PEAK1: variants seen among roughly 807,000 people sequenced by gnomAD.
PEAK1 encodes pseudopodium enriched atypical kinase 1.
Under a neutral mutation model 124.7 loss-of-function variants are expected in PEAK1, and 54 were observed. That is an observed-to-expected ratio of 0.43 (90% CI 0.35 to 0.54). The LOEUF is 0.54. PEAK1 is among the 20% of genes least tolerant of loss of function. The probability of loss-of-function intolerance (pLI) is 0.01; values close to 1 mark genes in which losing one functional copy is unlikely to be tolerated. For synonymous variants in PEAK1, 719 were observed against 760.0 expected (o/e 0.95, Z 0.89); for missense variants, 2,046 against 2,134.5 (o/e 0.96, Z 0.82).
At chr15:77,336,476 G>T (rs1283677812) in intron 2 of PEAK1, 3 of 985,234 alleles carry the variant, frequency 3.0e-6, no homozygotes, top group African/African-American at 1.7e-5. Flanking sequence ...TAATTTGGCC[G>T]TTTGCTAATC....
At chr15:77,120,588 T>C (rs893635721) in intron 9 of PEAK1, among the ~76,000 whole-genome samples, 5 of 152,354 alleles carry the variant, frequency 3.3e-5, no homozygotes, top group Non-Finnish European at 5.9e-5. Context: ...TCCATCTCTA[T>C]TGCTACCTTC....
At chr15:77,265,044 C>G (rs2152945641) in intron 5 of PEAK1, among the ~76,000 whole-genome samples, 1 of 152,284 alleles carries the variant, frequency 6.6e-6, no homozygotes, top group Middle Eastern at 3.4e-3. Context: ...GGAAAACTGT[C>G]TAGCCATATG....
At chr15:77,190,809 G>A (rs1181690068) in intron 6 of PEAK1, among the ~76,000 whole-genome samples, 2 of 152,178 alleles carry the variant, frequency 1.3e-5, no homozygotes, top group African/African-American at 4.8e-5. Flanking sequence ...CAATGGTAAT[G>A]AAAACTGCAA....
At chr15:77,253,147 A>C (rs745869254) in intron 5 of PEAK1, among the ~76,000 whole-genome samples, 3 of 150,146 alleles carry the variant, frequency 2.0e-5, no homozygotes, top group Non-Finnish European at 4.4e-5. Context: ...AAAATAACTG[A>C]GTTATTGTAT....
intron 9 of PEAK1, among the ~76,000 whole-genome samples, chr15:77,117,092 T>C (rs2051455698): frequency 6.6e-6 from 1 of 152,206 alleles, no homozygotes; most frequent in Non-Finnish European, 1.5e-5. Context: ...ATCCAGCACA[T>C]GGCACCATTA....
chr15:77,281,260 C>T (rs769651827), intron 5 of PEAK1, among the ~76,000 whole-genome samples: 2 of 152,098 alleles, frequency 1.3e-5, no homozygotes, highest in Non-Finnish European at 1.5e-5. Context: ...CCAAATGATG[C>T]CTATTGTTAT....
At chr15:77,229,161 A>G (rs2059800621) in intron 6 of PEAK1, among the ~76,000 whole-genome samples, 2 of 152,080 alleles carry the variant, frequency 1.3e-5, no homozygotes, top group Non-Finnish European at 2.9e-5. Context: ...AAAGAAAACA[A>G]TCTCCAGGGC....
intron 1 of PEAK1, among the ~76,000 whole-genome samples, chr15:77,392,165 G>A (rs1200522798): frequency 6.6e-6 from 1 of 152,108 alleles, no homozygotes; most frequent in African/African-American, 2.4e-5. Flanking sequence ...TCACAAAGAA[G>A]GCATGCAGAA....
chr15:77,230,392 G>GT (rs1171572465), intron 6 of PEAK1, among the ~76,000 whole-genome samples: 1 of 151,986 alleles, frequency 6.6e-6, no homozygotes, highest in Non-Finnish European at 1.5e-5. Context: ...TAGAGACAGG[G>GT]TTTCACCATG....
At chr15:77,124,978 T>C (rs1207137146) in intron 9 of PEAK1, among the ~76,000 whole-genome samples, 3 of 152,244 alleles carry the variant, frequency 2.0e-5, no homozygotes, top group Non-Finnish European at 4.4e-5. Flanking sequence ...CTCTGAACTT[T>C]CATTATAATC....
chr15:77,330,727 T>C (rs1447308726), intron 2 of PEAK1, among the ~76,000 whole-genome samples: 1 of 152,212 alleles, frequency 6.6e-6, no homozygotes, highest in Middle Eastern at 3.2e-3. Context: ...CCCTGACCTA[T>C]GGTATATAAA....
intron 1 of PEAK1, among the ~76,000 whole-genome samples, chr15:77,400,152 A>G (rs1315003476): frequency 6.6e-6 from 1 of 152,156 alleles, no homozygotes; most frequent in East Asian, 1.9e-4. Context: ...AAGACAGGCA[A>G]TAATAACTGC....
chr15:77,207,142 G>C (rs1285746529), intron 6 of PEAK1, among the ~76,000 whole-genome samples: 1 of 152,092 alleles, frequency 6.6e-6, no homozygotes, highest in Non-Finnish European at 1.5e-5. Flanking sequence ...TTAAACGTTA[G>C]ATCTAAAACC....
At chr15:77,368,278 G>C (rs1034658799) in intron 1 of PEAK1, among the ~76,000 whole-genome samples, 3 of 152,092 alleles carry the variant, frequency 2.0e-5, no homozygotes, top group African/African-American at 7.2e-5. Context: ...CAATTTACGA[G>C]GCCAAGGCGG....
chr15:77,102,509 G>C (rs1432106477), exon 7 of PEAK1: 1 of 152,114 alleles, frequency 6.6e-6, no homozygotes, highest in South Asian at 2.1e-4. Context: ...CATTCTTCTA[G>C]TTCTTGAGAT....
rs558606968 is a variant in PEAK1, at chr15:77,213,348, G to A, written c.-114-31308C>T. 2.6e-5 allele frequency among the ~76,000 whole-genome samples: 4 copies of A among 152,236 alleles called. No individual in the cohort carries two copies. In the East Asian group the frequency reaches 7.7e-4, roughly 29 times the overall value. ...GATTTACAGATAAAGAGTTCTGGGA[G>A]TTCAGAGATCATTTCTACATGGCTT... is the stretch of plus-strand genomic sequence containing the variant. On this transcript the variant is annotated intron_variant, in intron 6 of 9. Coordinates refer to ENST00000682557, the MANE Select transcript of PEAK1 (RefSeq NM_001385026.1).
chr15:77,416,394 T>C (rs907652914), intron 1 of PEAK1, among the ~76,000 whole-genome samples: 2 of 152,110 alleles, frequency 1.3e-5, no homozygotes, highest in Non-Finnish European at 2.9e-5. Flanking sequence ...AAATCTCTCA[T>C]AGAGCCACTC....
chr15:77,114,345 T>C lies in PEAK1; in HGVS notation c.5052A>G (p.Leu1684=), dbSNP rs1433309210. The C allele has an allele frequency of 6.8e-6, 11 of 1,614,072 alleles. No individual in the cohort carries two copies. The highest frequency in any genetic ancestry group is 1.7e-6 in the Non-Finnish European group (2 of 1,180,036). Residue 1684 remains leucine (L), a synonymous_variant, in exon 10 of 10, where the codon CTA becomes CTG. Coordinates refer to ENST00000682557, the MANE Select transcript of PEAK1 (RefSeq NM_001385026.1). Reference sequence around the variant, plus strand: ...TTTGGAGCAGGGTGTTCCTCTGTACTAGGCTAGGGCAGGCGGTGAAAGTCT... The same window carrying C: ...TTTGGAGCAGGGTGTTCCTCTGTACCAGGCTAGGGCAGGCGGTGAAAGTCT... ...LFQTFTACPS[L]VQRNTLLQNW...
chr15:77,186,917 T>C (rs2057575476), intron 6 of PEAK1, among the ~76,000 whole-genome samples: 1 of 152,188 alleles, frequency 6.6e-6, no homozygotes, highest in African/African-American at 2.4e-5. Context: ...ACTAGCAGCT[T>C]TCCCTGCTCA....
Sources: gnomAD v4.1 joint callset for allele counts (sites outside exome capture counted in the v4.1 genomes callset) on GRCh38, gnomAD v4.1.1 for gene constraint, MANE v1.5 for transcripts, NCBI Gene and HGNC (gene_info 2026-07-23, HGNC 2026-07-21) for gene names.